Variants in PCGF3 observed in about 807,000 individuals in gnomAD.
PCGF3 encodes the protein polycomb group ring finger 3.
In PCGF3, 7 loss-of-function variants were observed where a neutral mutation model predicts 33.1. The ratio of observed to expected loss-of-function variants is 0.21; its 90% CI spans 0.12 to 0.40. The LOEUF is 0.40. Ranked by LOEUF, PCGF3 falls within the 10% of genes least tolerant of loss-of-function variation. The pLI is 1.00. For missense variants in PCGF3, 211 were observed against 313.3 expected (o/e 0.67, Z 2.46); for synonymous variants, 153 against 121.3 (o/e 1.26, Z -1.72).
At chr4:755,484 G>A (rs973415023) in intron 8 of PCGF3, among the ~76,000 whole-genome samples, 18 of 152,190 alleles carry the variant, frequency 1.2e-4, no homozygotes, top group African/African-American at 2.7e-4. Flanking sequence ...TGCAGGGATC[G>A]TCTTTCCTTC....
At chr4:737,404 A>G in intron 5 of PCGF3, 62 bp from the exon 6 acceptor site, 1 of 1,055,204 alleles carries the variant, frequency 9.5e-7, no homozygotes, top group Non-Finnish European at 1.5e-6. Flanking sequence ...TTAAATGGAA[A>G]GTGTACAAGA....
rs1019743238 is a variant in PCGF3 at position 721,834 on chromosome 4, T to G, written c.-189-8796T>G. Among the ~76,000 whole-genome samples, 12 of 144,402 alleles carry G rather than the reference T, an allele frequency of 8.3e-5. 2 individuals are homozygous for G. The highest frequency in any genetic ancestry group is 6.8e-5 in the Admixed American group (1 of 14,638). The allele number at this position is 144,402 out of a possible 152,430, so 94.7% of individuals were successfully genotyped here. Reference sequence around the variant, plus strand: ...TGTGGGAGGTGGGTGGATGGGTGTCTCTGCATGTGGGTGTGGAAAGAGGCC... The same window carrying G: ...TGTGGGAGGTGGGTGGATGGGTGTCGCTGCATGTGGGTGTGGAAAGAGGCC... On this transcript the variant is annotated intron_variant, in intron 1 of 10. Coordinates refer to ENST00000362003, the Ensembl canonical transcript of PCGF3. This position sits in a 1 kb window ranked among gnomAD's most constrained non-coding sequence, Gnocchi z 4.1.
At chr4:736,240 G>A (rs1428000388) in intron 5 of PCGF3, among the ~76,000 whole-genome samples, 1 of 151,980 alleles carries the variant, frequency 6.6e-6, no homozygotes, top group East Asian at 1.9e-4. Context: ...TAGAGATAGG[G>A]TTTCACCATG....
At chr4:731,367 G>C (rs1401059887) in intron 3 of PCGF3, 2 of 397,718 alleles carry the variant, frequency 5.0e-6, no homozygotes, top group Non-Finnish European at 8.9e-6. Flanking sequence ...TTGGGTTCCC[G>C]GCGTGTCGCT....
At chr4:765,282 A>G (rs1278956514) in intron 10 of PCGF3, among the ~76,000 whole-genome samples, 1 of 152,096 alleles carries the variant, frequency 6.6e-6, no homozygotes, top group Non-Finnish European at 1.5e-5. Context: ...AAATACAAAA[A>G]ATTAGCCAGG....
chr4:761,569 GGATAGGAGACA>G (rs1400313628), intron 9 of PCGF3, among the ~76,000 whole-genome samples, 153 bp downstream of exon 9: 2 of 152,320 alleles, frequency 1.3e-5, no homozygotes, highest in Non-Finnish European at 2.9e-5. Context: ...CCGGGGAGCG[GGATAGGAGACA>G]GCCCTAAGGG....
rs545953125 is a variant in PCGF3, at chr4:758,312, CCG to C, written c.463-2962_463-2961del. 3.0e-4 allele frequency among the ~76,000 whole-genome samples: 46 copies of C among 151,324 alleles called. No homozygotes were observed. The South Asian group carries it at 9.4e-3, about 31-fold the overall frequency. Reference sequence around the variant, plus strand: ...TCCGCCAAACTCCAGGTCTTTCTCCCCGCGCGGCCCCTCTCCCGAGTTCTTCT... The same window carrying C: ...TCCGCCAAACTCCAGGTCTTTCTCCCCGCGGCCCCTCTCCCGAGTTCTTCT... On this transcript the variant is annotated intron_variant, in intron 8 of 10. Transcript: ENST00000362003.
intron 9 of PCGF3, chr4:761,669 G>T: frequency 1.0e-6 from 1 of 985,348 alleles, no homozygotes; most frequent in South Asian, 4.7e-5. Flanking sequence ...TGATGAGACT[G>T]TTTTAAAATA....
At chr4:722,323 A>C (rs1454283837) in intron 1 of PCGF3, 1 of 182,362 alleles carries the variant, frequency 5.5e-6, no homozygotes, top group Non-Finnish European at 1.1e-5. Flanking sequence ...TGTGTGCTGC[A>C]GGCGCGACTC....
chr4:730,260 G>A (rs1285034592), intron 1 of PCGF3, among the ~76,000 whole-genome samples: 1 of 152,184 alleles, frequency 6.6e-6, no homozygotes, highest in East Asian at 1.9e-4. Flanking sequence ...TTGCCTCTGA[G>A]GTCTTGCATT....
At chr4:754,747 G>A (rs1260786043) in intron 8 of PCGF3, among the ~76,000 whole-genome samples, 1 of 152,204 alleles carries the variant, frequency 6.6e-6, no homozygotes, top group Non-Finnish European at 1.5e-5. Context: ...AGCCTGGCGT[G>A]GCTTTATCCC....
At chr4:716,284 C>CT (rs1353123313) in intron 1 of PCGF3, among the ~76,000 whole-genome samples, 38 of 125,002 alleles carry the variant, frequency 3.0e-4, no homozygotes, top group African/African-American at 1.1e-3. Context: ...CCTGTAGACA[C>CT]TGAGTGTGAG....
chr4:712,841 G>C (rs1268059546), intron 1 of PCGF3, among the ~76,000 whole-genome samples: 1 of 152,198 alleles, frequency 6.6e-6, no homozygotes, highest in East Asian at 1.9e-4. Flanking sequence ...GCTGGGCTTT[G>C]CTACATTAAC....
chr4:761,249 C>A, intron 8 of PCGF3, 30 bp from the exon 9 acceptor site: 1 of 1,548,256 alleles, frequency 6.5e-7, no homozygotes, highest in Non-Finnish European at 8.7e-7. Flanking sequence ...AACCCTCCTG[C>A]TGCGCTCTCA....
intron 8 of PCGF3, among the ~76,000 whole-genome samples, chr4:760,044 C>G (rs141783082): frequency 6.6e-6 from 1 of 152,226 alleles, no homozygotes; most frequent in Non-Finnish European, 1.5e-5. Flanking sequence ...CGGCCTCGCT[C>G]CATCCCACCC....
chr4:727,947 G>A (rs982547854), intron 1 of PCGF3, among the ~76,000 whole-genome samples: 1 of 152,166 alleles, frequency 6.6e-6, no homozygotes, highest in Non-Finnish European at 1.5e-5. Flanking sequence ...GCATCCCTCC[G>A]GGGCCTGATG....
At chr4:727,233 CTTTTTTT>C (rs57690550) in intron 1 of PCGF3, among the ~76,000 whole-genome samples, 18 of 61,900 alleles carry the variant, frequency 2.9e-4, no homozygotes, top group Non-Finnish European at 3.8e-4. Flanking sequence ...TAGCGAGCGT[CTTTTTTT>C]TTTTTTTTTT....
intron 8 of PCGF3, among the ~76,000 whole-genome samples, chr4:748,940 G>A (rs543420922): frequency 2.0e-4 from 30 of 152,128 alleles, no homozygotes; most frequent in Non-Finnish European, 3.8e-4. Context: ...TGTTCCAGAG[G>A]GGTGCAGGCT....
intron 6 of PCGF3, among the ~76,000 whole-genome samples, chr4:737,979 A>G (rs1164787098): frequency 6.6e-6 from 1 of 152,238 alleles, no homozygotes; most frequent in Non-Finnish European, 1.5e-5. Flanking sequence ...AAGAAATACC[A>G]AGTAGTACAA....
Sources: gnomAD v4.1 joint callset for allele counts (sites outside exome capture counted in the v4.1 genomes callset) on GRCh38, gnomAD v4.1.1 for gene constraint, Gnocchi (gnomAD v3.1) non-coding constraint, MANE v1.5 for transcripts, NCBI Gene and HGNC (gene_info 2026-07-23, HGNC 2026-07-21) for gene names.